The following STX5 variants were observed in gnomAD, a reference collection of about 807,000 sequenced individuals.
STX5 encodes syntaxin 5, also known as syntaxin-5.
STX5 carries 15 observed loss-of-function variants against 42.9 expected under a neutral mutation model. The observed-to-expected ratio is 0.35, with a 90% CI of 0.23 to 0.54. The LOEUF is 0.54. STX5 is among the 20% of genes least tolerant of loss of function. STX5 has a pLI of 0.91. For synonymous variants in STX5, 184 were observed against 173.2 expected (o/e 1.06, Z -0.49); for missense variants, 430 against 455.0 (o/e 0.95, Z 0.50).
At chr11:62,816,520 A>G (rs1029863503) in intron 10 of STX5, among the ~76,000 whole-genome samples, 3 of 152,060 alleles carry the variant, frequency 2.0e-5, no homozygotes, top group Non-Finnish European at 2.9e-5. Context: ...GCCTCAAGCA[A>G]TCCTCCCGCC....
At chr11:62,820,579 C>T (rs1203840458) in intron 10 of STX5, among the ~76,000 whole-genome samples, 3 of 150,222 alleles carry the variant, frequency 2.0e-5, no homozygotes, top group Admixed American at 1.3e-4. Context: ...GGCAGTGGCG[C>T]GATCTCAGCT....
At chr11:62,830,044 G>A (rs192664294) in intron 2 of STX5, among the ~76,000 whole-genome samples, 2 of 130,178 alleles carry the variant, frequency 1.5e-5, no homozygotes, top group African/African-American at 5.8e-5. Flanking sequence ...CAGTCTGGGC[G>A]ACAAGGCAAA....
chr11:62,813,143 G>A (rs190425751), intron 10 of STX5, among the ~76,000 whole-genome samples: 5,152 of 150,798 alleles, frequency 0.034, 133 homozygotes, highest in Non-Finnish European at 0.055. Flanking sequence ...GCATGGTGGT[G>A]CATGCCTGTA....
chr11:62,818,249 A>AG (rs2084697528), intron 10 of STX5, among the ~76,000 whole-genome samples: 1 of 150,248 alleles, frequency 6.7e-6, no homozygotes, highest in Non-Finnish European at 1.5e-5. Flanking sequence ...CCATCTCAAA[A>AG]AAAAAAAAAA....
intron 10 of STX5, 115 bp from the exon 11 acceptor site, chr11:62,807,743 A>G: frequency 6.7e-7 from 1 of 1,486,644 alleles, no homozygotes; most frequent in East Asian, 2.5e-5. Context: ...ATTCTTATAT[A>G]TATTTGTGTA....
At position 62,807,553 on chromosome 11, in the gene STX5, A is replaced by T. The variant is rs2228626; in HGVS notation, c.984T>A (p.Ser328=). ...CCATGAGCCACCGGTTGGAGGTGAC[A>T]GACTGGAAGTACTTGAGGATCTCTG... The part of the protein sequence containing the change: ...AHSEILKYFQ[S]VTSNRWLMVK... The change falls in exon 11 of 11, where the codon TCT becomes TCA. Residue 328 remains serine, a synonymous_variant. Transcript: ENST00000294179. The T allele has an allele frequency of 0.061, 97,786 of 1,613,998 alleles. 3,818 individuals are homozygous for T. Among genetic ancestry groups the T allele is most frequent in the East Asian group, 0.15 (6,901 of 44,882 alleles).
At chr11:62,809,010 C>T (rs948235589) in intron 10 of STX5, among the ~76,000 whole-genome samples, 6 of 151,978 alleles carry the variant, frequency 3.9e-5, no homozygotes, top group South Asian at 2.1e-4. Flanking sequence ...AAATGGGGGC[C>T]GGACATGGTG....
At chr11:62,821,649 G>A (rs773616408) in intron 10 of STX5, among the ~76,000 whole-genome samples, 7 of 151,334 alleles carry the variant, frequency 4.6e-5, no homozygotes, top group Non-Finnish European at 1.0e-4. Flanking sequence ...GCTTGAACTC[G>A]GAGGGTGCAG....
chr11:62,819,859 A>AT (rs578089401), intron 10 of STX5, among the ~76,000 whole-genome samples: 4,885 of 135,662 alleles, frequency 0.036, 236 homozygotes, highest in African/African-American at 0.11. Context: ...ATGCCCAGCT[A>AT]TTTTTTTTTT....
chr11:62,815,952 T>A (rs1054122518), intron 10 of STX5: 1 of 152,132 alleles, frequency 6.6e-6, no homozygotes, highest in Admixed American at 6.6e-5. Context: ...TATTATCTCA[T>A]CACCCAGGTA....
rs957463340 is a variant in STX5, at chr11:62,807,333, A to C, written c.*136T>G. The C allele has an allele frequency of 4.4e-6, 6 of 1,358,042 alleles. No homozygotes were observed. The highest frequency in any genetic ancestry group is 5.9e-6 in the Non-Finnish European group (6 of 1,016,804). 84.1% of individuals were successfully genotyped at this position (1,358,042 alleles called of 1,614,324 possible). A position where few individuals can be genotyped will look rare whatever the true frequency, so the allele number is the denominator to read the frequency against. On this transcript the variant is annotated 3_prime_UTR_variant, in exon 11 of 11. Transcript: ENST00000294179. The stretch of plus-strand genomic sequence containing the variant: ...AGGCAAGGGGTGGGGGATCAGGGGC[A>C]GTGGTCATTCTTAGCAGTTCCAGGG...
intron 10 of STX5, among the ~76,000 whole-genome samples, chr11:62,809,673 CAAAAAAAAAAAAA>C (rs749188946): frequency 1.7e-3 from 32 of 19,190 alleles, no homozygotes; most frequent in South Asian, 4.8e-3. Flanking sequence ...GACTCTGTCT[CAAAAAAAAAAAAA>C]AAAAAAAAAA....
intron 9 of STX5, 64 bp from the exon 10 acceptor site, chr11:62,824,351 A>G (rs918095190): frequency 4.1e-5 from 66 of 1,612,744 alleles, no homozygotes; most frequent in African/African-American, 5.3e-5. Context: ...CTGCATTTTT[A>G]CAACCCTCCC....
At chr11:62,825,375 C>T (rs761557080) in intron 6 of STX5, 36 bp from the exon 7 acceptor site, 1 of 1,614,088 alleles carries the variant, frequency 6.2e-7, no homozygotes, top group Non-Finnish European at 8.5e-7. Flanking sequence ...CCAAAGAAGG[C>T]TCCACATTCT....
At position 62,814,713 on chromosome 11, in the gene STX5, C is replaced by T. The variant is rs555703782; in HGVS notation, c.909-7085G>A. ...CAATCTTGGCTCACCGCAACCGCTG[C>T]CTCCCGGGTTCAGGTGATTTTCCTG... On this transcript the variant is annotated intron_variant, in intron 10 of 10. Transcript: ENST00000294179. Among the ~76,000 whole-genome samples the T allele has an allele frequency of 4.2e-4, 64 of 151,010 alleles. 1 individual carries two copies. Among genetic ancestry groups the T allele is most frequent in the Non-Finnish European group, 8.9e-4 (60 of 67,768 alleles).
Position 62,824,709 on chromosome 11 carries a change from C to T in STX5, c.680-144G>A, listed in dbSNP as rs1382188355. 1.1e-5 allele frequency: 8 copies of T among 734,914 alleles called. No individual in the cohort carries two copies. In the East Asian group the frequency reaches 1.9e-4, roughly 17 times the overall value. 45.5% of individuals were successfully genotyped at this position (734,914 alleles called of 1,614,324 possible). On this transcript the variant is annotated intron_variant, in intron 8 of 10. Coordinates refer to ENST00000294179, the MANE Select transcript of STX5 (RefSeq NM_003164.5). ...ATTTAACCTCTCTGAGCCTCAGTTT[C>T]CTCACCTGTAAAATGGGGGATAATA... is the stretch of plus-strand genomic sequence containing the variant.
At chr11:62,826,209 C>A (rs947157237) in intron 5 of STX5, among the ~76,000 whole-genome samples, 1 of 151,806 alleles carries the variant, frequency 6.6e-6, no homozygotes, top group Non-Finnish European at 1.5e-5. Context: ...GAGCCTAGAT[C>A]GCGCCACTGC....
At chr11:62,827,128 G>A in intron 5 of STX5, 27 bp downstream of exon 5, 1 of 1,603,026 alleles carries the variant, frequency 6.2e-7, no homozygotes, top group African/African-American at 1.3e-5. Context: ...TTGGAATGCT[G>A]GGCTCTCCTG....
At chr11:62,827,072 G>A in intron 5 of STX5, 83 bp downstream of exon 5, 1 of 1,349,460 alleles carries the variant, frequency 7.4e-7, no homozygotes, top group Non-Finnish European at 1.0e-6. Flanking sequence ...ACTTGCTCTG[G>A]GTCCCCATGG....
Sources: allele counts gnomAD v4.1 joint callset (sites outside exome capture counted in the v4.1 genomes callset), GRCh38; gene constraint gnomAD v4.1.1; transcripts MANE v1.5; gene names NCBI Gene and HGNC (gene_info 2026-07-23, HGNC 2026-07-21).